CAMK1D: variants seen among roughly 807,000 people sequenced by gnomAD.
CAMK1D encodes the protein calcium/calmodulin-dependent protein kinase type 1D.
A neutral mutation model predicts 47.7 loss-of-function variants in CAMK1D; 9 were observed. The observed-to-expected ratio is 0.19, with a 90% CI of 0.11 to 0.33. The LOEUF is 0.33. Among genes scored for constraint, CAMK1D ranks in the 10% least tolerant of loss-of-function variants. The probability of loss-of-function intolerance (pLI) is 1.00; values close to 1 mark genes in which losing one functional copy is unlikely to be tolerated. For synonymous variants in CAMK1D, 184 were observed against 184.9 expected (o/e 0.99, Z 0.04); for missense variants, 291 against 488.7 (o/e 0.60, Z 3.81).
At chr10:12,527,775 T>C (rs1314869822) in intron 1 of CAMK1D, among the ~76,000 whole-genome samples, 1 of 152,240 alleles carries the variant, frequency 6.6e-6, no homozygotes, top group African/African-American at 2.4e-5. Flanking sequence ...TCACTGTCAA[T>C]CTCTCTGATA....
intron 2 of CAMK1D, among the ~76,000 whole-genome samples, chr10:12,643,573 T>C (rs974617872): frequency 6.6e-6 from 1 of 152,164 alleles, no homozygotes; most frequent in Non-Finnish European, 1.5e-5. Flanking sequence ...ATCTAGGTTG[T>C]GTGCTCCTGA....
intron 3 of CAMK1D, among the ~76,000 whole-genome samples, chr10:12,703,698 G>A (rs543732074): frequency 4.0e-4 from 61 of 152,126 alleles, no homozygotes; most frequent in Non-Finnish European, 6.9e-4. Context: ...GTGAAACCCC[G>A]TCTTTACTGA....
At chr10:12,435,578 G>A (rs954220853) in intron 1 of CAMK1D, among the ~76,000 whole-genome samples, 7 of 152,188 alleles carry the variant, frequency 4.6e-5, no homozygotes, top group African/African-American at 1.7e-4. Context: ...CAGAAGGTGA[G>A]ACGTGCTCTG....
At chr10:12,353,201 C>G (rs1453957844) in intron 1 of CAMK1D, among the ~76,000 whole-genome samples, 1 of 152,180 alleles carries the variant, frequency 6.6e-6, no homozygotes, top group Non-Finnish European at 1.5e-5. Context: ...AAATCTAACA[C>G]AAATGAAAGG....
chr10:12,515,698 C>T (rs191013714), intron 1 of CAMK1D, among the ~76,000 whole-genome samples: 2 of 151,442 alleles, frequency 1.3e-5, no homozygotes, highest in African/African-American at 2.4e-5. Context: ...CAAGCTTCAC[C>T]TCCCGGGTTC....
chr10:12,393,874 G>GT (rs1175504244), intron 1 of CAMK1D, among the ~76,000 whole-genome samples: 6 of 152,200 alleles, frequency 3.9e-5, no homozygotes, highest in African/African-American at 7.2e-5. Context: ...ACGTGTGTGG[G>GT]TTTTTCCTTC....
At chr10:12,410,690 A>T (rs1479391420) in intron 1 of CAMK1D, among the ~76,000 whole-genome samples, 1 of 152,126 alleles carries the variant, frequency 6.6e-6, no homozygotes, top group African/African-American at 2.4e-5. Flanking sequence ...TTGACAACAG[A>T]TATTAGTTCT....
intron 4 of CAMK1D, among the ~76,000 whole-genome samples, chr10:12,766,414 G>A (rs1836768529): frequency 1.4e-5 from 2 of 143,020 alleles, no homozygotes; most frequent in Non-Finnish European, 3.0e-5. Context: ...CCAGGTTGGA[G>A]TGCAGTGGCG....
chr10:12,615,106 C>T (rs1406586214), intron 2 of CAMK1D, among the ~76,000 whole-genome samples: 1 of 152,096 alleles, frequency 6.6e-6, no homozygotes, highest in Admixed American at 6.5e-5. Flanking sequence ...GCCTGAGAGC[C>T]CCAAAGGGTT....
intron 1 of CAMK1D, among the ~76,000 whole-genome samples, chr10:12,503,703 C>T (rs538810450): frequency 1.3e-5 from 2 of 152,274 alleles, no homozygotes; most frequent in East Asian, 3.9e-4. Context: ...TTTGTGATTT[C>T]TAACAAAATG....
intron 1 of CAMK1D, among the ~76,000 whole-genome samples, chr10:12,433,610 G>A (rs1345382418): frequency 6.6e-6 from 1 of 152,140 alleles, no homozygotes; most frequent in East Asian, 1.9e-4. Flanking sequence ...CCTGTGATTG[G>A]CATCTCCCCA....
chr10:12,701,852 C>T (rs983974576), intron 3 of CAMK1D, among the ~76,000 whole-genome samples: 14 of 152,200 alleles, frequency 9.2e-5, no homozygotes, highest in Non-Finnish European at 1.6e-4. Context: ...TGGCTGGGGG[C>T]CAGGGGTTCT....
At chr10:12,544,878 A>T (rs892583933) in intron 1 of CAMK1D, among the ~76,000 whole-genome samples, 1 of 151,972 alleles carries the variant, frequency 6.6e-6, no homozygotes, top group African/African-American at 2.4e-5. Context: ...TGTTGAGTGG[A>T]TGGTACTAGT....
chr10:12,506,521 TC>T (rs1834876785), intron 1 of CAMK1D, among the ~76,000 whole-genome samples: 2 of 151,804 alleles, frequency 1.3e-5, no homozygotes, highest in Non-Finnish European at 2.9e-5. Context: ...TTTCTCTCTT[TC>T]TTTTTTTTTT....
intron 2 of CAMK1D, among the ~76,000 whole-genome samples, chr10:12,601,292 G>A (rs1029670821): frequency 1.4e-5 from 2 of 147,792 alleles, no homozygotes; most frequent in African/African-American, 5.0e-5. Context: ...AGTTTTCATT[G>A]CATGATAAAT....
intron 3 of CAMK1D, among the ~76,000 whole-genome samples, chr10:12,751,200 C>T (rs1317828763): frequency 6.6e-6 from 1 of 152,112 alleles, no homozygotes; most frequent in Non-Finnish European, 1.5e-5. Context: ...TTAAGGTCAC[C>T]ATACCCAGCC....
intron 1 of CAMK1D, among the ~76,000 whole-genome samples, chr10:12,537,974 A>G (rs1291967047): frequency 6.6e-6 from 1 of 152,154 alleles, no homozygotes; most frequent in Non-Finnish European, 1.5e-5. Context: ...AGGCATTGGA[A>G]CTCACTGACT....
At chr10:12,744,648 T>C (rs1835581407) in intron 3 of CAMK1D, among the ~76,000 whole-genome samples, 1 of 151,916 alleles carries the variant, frequency 6.6e-6, no homozygotes, top group African/African-American at 2.4e-5. Flanking sequence ...CCCAGCACTT[T>C]GGGAGGCTGA....
intron 3 of CAMK1D, among the ~76,000 whole-genome samples, chr10:12,713,895 G>C (rs1370406244): frequency 2.0e-5 from 3 of 152,212 alleles, no homozygotes; most frequent in African/African-American, 4.8e-5. Flanking sequence ...GGCTCATGTT[G>C]GCTAAGTAGC....
Sources: gnomAD v4.1 joint callset for allele counts (sites outside exome capture counted in the v4.1 genomes callset) on GRCh38, gnomAD v4.1.1 for gene constraint, MANE v1.5 for transcripts, NCBI Gene and HGNC (gene_info 2026-07-23, HGNC 2026-07-21) for gene names.